Variants in PHF14 observed in about 807,000 individuals in gnomAD.
PHF14 encodes the protein PHD finger protein 14.
In PHF14, 55 loss-of-function variants were observed where a neutral mutation model predicts 117.9. The ratio of observed to expected loss-of-function variants is 0.47; its 90% CI spans 0.38 to 0.58. The LOEUF (loss-of-function observed/expected upper bound fraction) is 0.58, where lower values mean the gene tolerates loss of function less well. Ranked by LOEUF, PHF14 falls within the 20% of genes least tolerant of loss-of-function variation. The probability of loss-of-function intolerance (pLI) is 0.00; values close to 1 mark genes in which losing one functional copy is unlikely to be tolerated. For missense variants in PHF14, 978 were observed against 1,122.2 expected (o/e 0.87, Z 1.84); for synonymous variants, 409 against 368.6 (o/e 1.11, Z -1.26).
Position 11,021,127 on chromosome 7 carries a change from C to G in PHF14, c.1206-1741C>G, listed in dbSNP as rs150394381. On this transcript the variant is annotated intron_variant, in intron 5 of 17. Transcript: ENST00000634607. ...GAGAAGTATCACTCTACTTAGTCTG[C>G]TTTATTAAAATATATGAATTTACAA... Among the ~76,000 whole-genome samples, 92 of 152,246 alleles carry G rather than the reference C, an allele frequency of 6.0e-4. 1 individual carries two copies. The highest frequency in any genetic ancestry group is 2.1e-3 in the African/African-American group (89 of 41,552).
intron 17 of PHF14, among the ~76,000 whole-genome samples, chr7:11,114,157 C>T (rs915445479): frequency 6.6e-6 from 1 of 152,094 alleles, no homozygotes; most frequent in African/African-American, 2.4e-5. Context: ...CTGCGGTAGT[C>T]ATGTTGTTAA....
At chr7:11,081,977 C>G (rs1786127259) in intron 16 of PHF14, among the ~76,000 whole-genome samples, 1 of 151,942 alleles carries the variant, frequency 6.6e-6, no homozygotes. Flanking sequence ...TACCAGAAAA[C>G]TGGTTTTTAA....
Position 11,111,463 on chromosome 7 carries a change from C to T in PHF14, c.2768C>T (p.Ser923Phe), listed in dbSNP as rs1787443269. The change falls in exon 17 of 18, where the codon TCC (serine) becomes TTC (phenylalanine). Residue 923 changes from serine to phenylalanine, a missense_variant. Around this residue, in one of 7 missense-constraint regions of PHF14, gnomAD observed 180 missense variants for 195.4 expected, o/e 0.92. Coordinates refer to ENST00000634607, the MANE Select transcript of PHF14 (RefSeq NM_001007157.2). The stretch of plus-strand genomic sequence containing the variant: ...TGTCAGGAATGTGATTCTTCATCTT[C>T]CAAGGTAAGGGGAGAAGTCTATAAG... ...WICQECDSSS[S>F]KEDENEAERK... is the part of the protein sequence containing the mutation. 6.6e-7 allele frequency: 1 copy of T among 1,507,358 alleles called. No homozygotes were observed. The highest frequency in any genetic ancestry group is 9.2e-7 in the Non-Finnish European group (1 of 1,087,752). 93.4% of individuals were successfully genotyped at this position (1,507,358 alleles called of 1,614,324 possible).
chr7:11,096,973 C>CTTTTTTTT (rs899756252), intron 16 of PHF14, among the ~76,000 whole-genome samples: 7 of 108,584 alleles, frequency 6.4e-5, no homozygotes, highest in African/African-American at 1.2e-4. Context: ...TAGACTAGAA[C>CTTTTTTTT]TTTTTTTTTT....
chr7:11,113,489 T>C (rs1437986664), intron 17 of PHF14, among the ~76,000 whole-genome samples: 3 of 152,280 alleles, frequency 2.0e-5, no homozygotes, highest in African/African-American at 7.2e-5. Context: ...ACAACTAACA[T>C]TTTCAAAATT....
Position 11,084,340 on chromosome 7 carries a change from TC to T in PHF14, c.2654+22256del, listed in dbSNP as rs543020502. Among the ~76,000 whole-genome samples, 24 of 152,328 alleles carry T rather than the reference TC, an allele frequency of 1.6e-4. 1 individual carries two copies. In the South Asian group the frequency reaches 5.0e-3, roughly 32 times the overall value. ...ATTTTTAAAGGACCAAGTGTTATTT[TC>T]TTCTTACATCCTCTAAACCTGTCCC... On this transcript the variant is annotated intron_variant, in intron 16 of 17. Coordinates refer to ENST00000634607, the MANE Select transcript of PHF14 (RefSeq NM_001007157.2).
At chr7:11,030,970 CTT>C (rs1378286358) in intron 7 of PHF14, among the ~76,000 whole-genome samples, 1 of 152,012 alleles carries the variant, frequency 6.6e-6, no homozygotes, top group Non-Finnish European at 1.5e-5. Flanking sequence ...ATCATTCTGT[CTT>C]GTCTATTTCT....
At chr7:11,163,991 A>G (rs1219568124) in intron 17 of PHF14, among the ~76,000 whole-genome samples, 1 of 152,198 alleles carries the variant, frequency 6.6e-6, no homozygotes, top group African/African-American at 2.4e-5. Flanking sequence ...CTTTTAAAAG[A>G]AACATTATTA....
chr7:10,977,015 T>A (rs536843242), intron 2 of PHF14, among the ~76,000 whole-genome samples: 24 of 151,786 alleles, frequency 1.6e-4, no homozygotes, highest in Non-Finnish European at 2.9e-4. Flanking sequence ...GAATCATATT[T>A]TTGACTCTTG....
chr7:11,111,877 A>G (rs549497216), intron 17 of PHF14, among the ~76,000 whole-genome samples: 9 of 146,348 alleles, frequency 6.1e-5, no homozygotes, highest in Admixed American at 4.9e-4. Context: ...AAAATATAAT[A>G]TATTGTAATA....
intron 17 of PHF14, among the ~76,000 whole-genome samples, chr7:11,168,981 A>G (rs1789290288): frequency 6.6e-6 from 1 of 152,026 alleles, no homozygotes; most frequent in African/African-American, 2.4e-5. Context: ...ATCTTCAGAT[A>G]ACATATGGTG....
intron 17 of PHF14, among the ~76,000 whole-genome samples, chr7:11,145,868 T>A (rs1788536550): frequency 6.6e-6 from 1 of 152,108 alleles, no homozygotes; most frequent in South Asian, 2.1e-4. Context: ...TACCATATGT[T>A]ATACTTGTTG....
At chr7:11,045,714 C>G (rs1784641371) in intron 13 of PHF14, among the ~76,000 whole-genome samples, 1 of 152,054 alleles carries the variant, frequency 6.6e-6, no homozygotes, top group Admixed American at 6.6e-5. Context: ...GATACAGATA[C>G]AGAAGTAATT....
At chr7:11,138,602 A>T (rs1788310006) in intron 17 of PHF14, among the ~76,000 whole-genome samples, 1 of 152,230 alleles carries the variant, frequency 6.6e-6, no homozygotes, top group South Asian at 2.1e-4. Context: ...TTGGCAGAAT[A>T]AAATAAAACA....
chr7:11,013,289 G>C (rs1224443211), intron 4 of PHF14, among the ~76,000 whole-genome samples: 1 of 152,058 alleles, frequency 6.6e-6, no homozygotes, highest in African/African-American at 2.4e-5. Context: ...GGCTTCTCGA[G>C]TAGCTGGGAT....
intron 3 of PHF14, among the ~76,000 whole-genome samples, chr7:10,989,361 AAC>A (rs1367753802): frequency 6.6e-6 from 1 of 152,046 alleles, no homozygotes; most frequent in African/African-American, 2.4e-5. Flanking sequence ...AAAATAATAA[AAC>A]ATATTTATGA....
chr7:10,990,611 A>G (rs1367953077), intron 3 of PHF14, 92 bp from the exon 4 acceptor site: 2 of 719,294 alleles, frequency 2.8e-6, no homozygotes, highest in Non-Finnish European at 2.3e-6. Flanking sequence ...AAATGCATAT[A>G]ATAATGTTTA....
chr7:10,977,652 C>T (rs943402099), intron 2 of PHF14, among the ~76,000 whole-genome samples: 2 of 152,036 alleles, frequency 1.3e-5, no homozygotes, highest in Non-Finnish European at 2.9e-5. Flanking sequence ...AAGTAAGCTT[C>T]TCATTTTTGA....
intron 17 of PHF14, among the ~76,000 whole-genome samples, chr7:11,156,198 G>A (rs183473713): frequency 7.2e-5 from 11 of 152,306 alleles, no homozygotes; most frequent in Admixed American, 4.6e-4. Flanking sequence ...AATCCAAGAT[G>A]TGGAAATAAT....
Sources: allele counts gnomAD v4.1 joint callset (sites outside exome capture counted in the v4.1 genomes callset), GRCh38; gene constraint gnomAD v4.1.1; regional missense constraint gnomAD v4.1.1; transcripts MANE v1.5; gene names NCBI Gene and HGNC (gene_info 2026-07-23, HGNC 2026-07-21).